Variants in MDN1 observed in about 807,000 individuals in gnomAD.
MDN1 encodes midasin AAA ATPase 1, also known as midasin.
Under a neutral mutation model 669.2 loss-of-function variants are expected in MDN1, and 266 were observed. The ratio of observed to expected loss-of-function variants is 0.40; its 90% CI spans 0.36 to 0.44. MDN1 has a LOEUF of 0.44. Ranked by LOEUF, MDN1 falls within the 20% of genes least tolerant of loss-of-function variation. MDN1 has a pLI of 1.00. For synonymous variants in MDN1, 2,385 were observed against 2,457.1 expected (o/e 0.97, Z 0.87); for missense variants, 5,940 against 6,754.0 (o/e 0.88, Z 4.22).
At chr6:89,665,592 A>G (rs1433992395) in intron 84 of MDN1, among the ~76,000 whole-genome samples, 4 of 151,546 alleles carry the variant, frequency 2.6e-5, no homozygotes, top group Admixed American at 6.6e-5. Flanking sequence ...CTGTAATCCC[A>G]GCTACTCGGG....
intron 11 of MDN1, among the ~76,000 whole-genome samples, chr6:89,778,187 GTATTGTCTC>G: frequency 6.9e-6 from 1 of 145,920 alleles, no homozygotes; most frequent in African/African-American, 2.5e-5. Flanking sequence ...TTAATATACA[GTATTGTCTC>G]AACTAATAAA....
At chr6:89,736,327 G>A (rs1815969115) in intron 33 of MDN1, among the ~76,000 whole-genome samples, 1 of 152,158 alleles carries the variant, frequency 6.6e-6, no homozygotes, top group Admixed American at 6.5e-5. Flanking sequence ...GGAGCACACT[G>A]GTGATGCAGC....
intron 85 of MDN1, among the ~76,000 whole-genome samples, chr6:89,663,517 T>C (rs1286437277): frequency 2.0e-5 from 3 of 152,174 alleles, no homozygotes; most frequent in Admixed American, 2.0e-4. Context: ...TTATCTCCAA[T>C]TGGACAGAAA....
chr6:89,751,380 A>T, intron 23 of MDN1, 51 bp downstream of exon 23: 1 of 1,603,018 alleles, frequency 6.2e-7, no homozygotes, highest in Non-Finnish European at 8.5e-7. Flanking sequence ...AAATGTCATC[A>T]ATGCCTATGC....
rs778207435 is a variant in MDN1, at chr6:89,734,670, GA to G, written c.4724-1896del. Among the ~76,000 whole-genome samples, 114 of 28,670 alleles carry G rather than the reference GA, an allele frequency of 4.0e-3. 1 individual carries two copies. The highest frequency in any genetic ancestry group is 0.018 in the East Asian group (7 of 382). 18.8% of individuals were successfully genotyped at this position (28,670 alleles called of 152,430 possible). On this transcript the variant is annotated intron_variant, in intron 33 of 101. Coordinates refer to ENST00000369393, the MANE Select transcript of MDN1 (RefSeq NM_014611.3). ...GCCAGACATTGTCTCAAAGGAAGAA[GA>G]AAAAAAAAAAAAAAAAAACAAGAGA...
rs1321552913 is a variant in MDN1, at chr6:89,701,675, A to G, written c.8310T>C (p.Tyr2770=). The change falls in exon 55 of 102, where the codon TAT becomes TAC. Residue 2770 remains tyrosine, a synonymous_variant. Coordinates refer to ENST00000369393, the MANE Select transcript of MDN1 (RefSeq NM_014611.3). The stretch of plus-strand genomic sequence containing the variant: ...CTGAGACAGTCTGAACTTCTTTGTA[A>G]TATCTTTAAAGGAGAACAAGGGCAC... ...PRLLMNYEDK[Y]YKEVQTVSEH... is the part of the protein sequence containing the mutation. 12 of 1,613,772 alleles carry G rather than the reference A, an allele frequency of 7.4e-6. No individual in the cohort carries two copies. The highest frequency in any genetic ancestry group is 1.1e-5 in the South Asian group (1 of 90,910).
intron 2 of MDN1, among the ~76,000 whole-genome samples, chr6:89,798,644 TA>T (rs1356086785): frequency 6.6e-6 from 1 of 152,152 alleles, no homozygotes; most frequent in Non-Finnish European, 1.5e-5. Flanking sequence ...AAACAAAAAA[TA>T]AATACAATTG....
intron 30 of MDN1, 38 bp downstream of exon 30, chr6:89,743,538 T>G: frequency 6.4e-7 from 1 of 1,560,196 alleles, no homozygotes; most frequent in South Asian, 1.2e-5. Flanking sequence ...CTAACTGCAG[T>G]TTTTTAAAAT....
Position 89,658,635 on chromosome 6 carries a change from G to C in MDN1, c.14996C>G (p.Pro4999Arg), listed in dbSNP as rs1809502480. 1 of 1,611,738 alleles carries C rather than the reference G, an allele frequency of 6.2e-7. No individual in the cohort carries two copies. The highest frequency in any genetic ancestry group is 8.5e-7 in the Non-Finnish European group (1 of 1,177,928). The change falls in exon 89 of 102, where the codon CCT becomes CGT. Residue 4999 changes from proline (P) to arginine (R), a missense_variant. By Grantham distance (103) the Pro-to-Arg change is moderately radical (BLOSUM62 -2). Coordinates refer to ENST00000369393, the MANE Select transcript of MDN1 (RefSeq NM_014611.3). ...CTGGGGCTGGAAACCTTGGTCAGCA[G>C]GGCCATTCTCTCCACCTTCTTCATC... ...EADEEGGENG[P>R]ADQGFQPQEE...
chr6:89,731,505 A>G (rs953765765), intron 34 of MDN1, among the ~76,000 whole-genome samples: 1 of 152,170 alleles, frequency 6.6e-6, no homozygotes, highest in Non-Finnish European at 1.5e-5. Context: ...AAACTAACAC[A>G]GGAACAGAAA....
At chr6:89,700,371 G>T in intron 56 of MDN1, 77 bp from the exon 57 acceptor site, 2 of 1,137,808 alleles carry the variant, frequency 1.8e-6, no homozygotes, top group Non-Finnish European at 2.6e-6. Context: ...AACCTGCTAT[G>T]TGACTGCAAG....
intron 33 of MDN1, among the ~76,000 whole-genome samples, chr6:89,735,955 G>T (rs1815945788): frequency 6.6e-6 from 1 of 152,124 alleles, no homozygotes; most frequent in African/African-American, 2.4e-5. Context: ...AGGAAGCAGA[G>T]GTTGCAGTGA....
chr6:89,795,830 C>T lies in MDN1; in HGVS notation c.330-1029G>A, dbSNP rs753878414. 1.0e-3 allele frequency among the ~76,000 whole-genome samples: 156 copies of T among 151,948 alleles called. 1 individual carries two copies. The highest frequency in any genetic ancestry group is 1.5e-3 in the Non-Finnish European group (104 of 68,012). On this transcript the variant is annotated intron_variant, in intron 2 of 101. Coordinates refer to ENST00000369393, the MANE Select transcript of MDN1 (RefSeq NM_014611.3). Reference sequence around the variant, plus strand: ...AGCCGGGCATGGTGGTGGCTCATGCCTGTAATCCCAGCTATTCGGGACGTC... The same window carrying T: ...AGCCGGGCATGGTGGTGGCTCATGCTTGTAATCCCAGCTATTCGGGACGTC...
chr6:89,682,707 A>C (rs74576269), intron 73 of MDN1, among the ~76,000 whole-genome samples: 14 of 145,204 alleles, frequency 9.6e-5, no homozygotes, highest in African/African-American at 3.5e-4. Context: ...CTTAAAAAAA[A>C]AAAAAAAAAA....
chr6:89,818,807 C>CAA (rs547839111), intron 1 of MDN1, among the ~76,000 whole-genome samples: 8 of 99,690 alleles, frequency 8.0e-5, no homozygotes, highest in Admixed American at 1.1e-4. Flanking sequence ...GACTCCGTCT[C>CAA]AAAAAAAAAA....
chr6:89,790,169 G>C lies in MDN1; in HGVS notation c.1088C>G (p.Thr363Ser). The change falls in exon 6 of 102, where the codon ACT (threonine) becomes AGT (serine). Residue 363 changes from threonine (T) to serine (S), a missense_variant. By Grantham distance (58) the Thr-to-Ser change is moderately conservative. This residue lies in a region of MDN1 where 1,203 missense variants were observed against 1,268.9 expected (regional missense o/e 0.95). Coordinates refer to ENST00000369393, the MANE Select transcript of MDN1 (RefSeq NM_014611.3). ...ACATTTCCTTATTACCTTACTGTCA[G>C]TCTGATCTCCAAGCTGGACTTTGAG... ...QLLKVQLGDQ[T>S]DSKMLLGMYR... The C allele has an allele frequency of 1.2e-6, 2 of 1,614,022 alleles. No individual in the cohort carries two copies. Among genetic ancestry groups the C allele is most frequent in the Non-Finnish European group, 1.7e-6 (2 of 1,180,000 alleles).
chr6:89,720,851 G>A (rs1814769893), intron 40 of MDN1, among the ~76,000 whole-genome samples: 1 of 152,192 alleles, frequency 6.6e-6, no homozygotes, highest in African/African-American at 2.4e-5. Flanking sequence ...GCTCTGGGTG[G>A]CCGGGCACAG....
At chr6:89,774,282 T>C (rs996066502) in intron 13 of MDN1, among the ~76,000 whole-genome samples, 1 of 152,190 alleles carries the variant, frequency 6.6e-6, no homozygotes, top group African/African-American at 2.4e-5. Context: ...GATCTCAGAA[T>C]CTTATATAAC....
chr6:89,643,910 TA>T lies in MDN1; in HGVS notation c.*94del. 1.9e-6 allele frequency: 2 copies of T among 1,056,296 alleles called. No individual in the cohort carries two copies. Among genetic ancestry groups the T allele is most frequent in the Non-Finnish European group, 2.6e-6 (2 of 755,422 alleles). The allele number at this position is 1,056,296 out of a possible 1,614,324, so 65.4% of individuals were successfully genotyped here. ...ACGTTGTAAAATAAAAATATTACAA[TA>T]AAATTTTTTGTAGTTGTCCAAAAGG... On this transcript the variant is annotated 3_prime_UTR_variant, in exon 102 of 102. Coordinates refer to ENST00000369393, the MANE Select transcript of MDN1 (RefSeq NM_014611.3).
Sources: allele counts gnomAD v4.1 joint callset (sites outside exome capture counted in the v4.1 genomes callset), GRCh38; gene constraint gnomAD v4.1.1; regional missense constraint gnomAD v4.1.1; transcripts MANE v1.5; gene names NCBI Gene and HGNC (gene_info 2026-07-23, HGNC 2026-07-21).